The following ATRNL1 variants were observed in gnomAD, a reference collection of about 807,000 sequenced individuals.
ATRNL1 encodes attractin-like protein 1.
ATRNL1 carries 95 observed loss-of-function variants against 182.7 expected under a neutral mutation model. The observed-to-expected ratio is 0.52, with a 90% CI of 0.44 to 0.62. The LOEUF (loss-of-function observed/expected upper bound fraction) is 0.62, where lower values mean the gene tolerates loss of function less well. ATRNL1 is among the 20% of genes least tolerant of loss of function. The pLI is 0.00. For synonymous variants in ATRNL1, 576 were observed against 568.3 expected, an observed-to-expected ratio of 1.01 and a Z score of -0.19; for missense variants, 1,471 against 1,679.5, an observed-to-expected ratio of 0.88 and a Z score of 2.17.
At chr10:115,268,481 C>T in intron 13 of ATRNL1, 37 bp downstream of exon 13, 1 of 1,341,252 alleles carries the variant, frequency 7.5e-7, no homozygotes, top group Non-Finnish European at 1.1e-6. Context: ...GTAGTTACAA[C>T]AGACTGCTGC....
rs74841954 is a variant in ATRNL1, at chr10:115,730,422, T to C, written c.3903+3067T>C. Among the ~76,000 whole-genome samples, 694 of 152,244 alleles carry C rather than the reference T, an allele frequency of 4.6e-3. 8 individuals carry two copies. The highest frequency in any genetic ancestry group is 0.015 in the African/African-American group (634 of 41,542). On this transcript the variant is annotated intron_variant, in intron 27 of 28. Coordinates refer to ENST00000355044, the MANE Select transcript of ATRNL1 (RefSeq NM_207303.4). ...GTTCTCTTCTCCACAGCTTTAACCA[T>C]TGTCTCAAGTCTGATGTCAATTTGA... is the stretch of plus-strand genomic sequence containing the variant.
At chr10:115,574,329 T>C (rs1366758508) in intron 26 of ATRNL1, among the ~76,000 whole-genome samples, 1 of 139,770 alleles carries the variant, frequency 7.2e-6, no homozygotes, top group Non-Finnish European at 1.6e-5. Context: ...TAGTTTTGTA[T>C]ATATAAAACT....
chr10:115,303,999 C>G (rs1427078143), intron 17 of ATRNL1, among the ~76,000 whole-genome samples: 2 of 152,162 alleles, frequency 1.3e-5, no homozygotes, highest in African/African-American at 4.8e-5. Context: ...GCCCTAAGTT[C>G]TCCACTATCA....
intron 4 of ATRNL1, 36 bp from the exon 5 acceptor site, chr10:115,129,291 C>T: frequency 6.5e-7 from 1 of 1,542,868 alleles, no homozygotes; most frequent in Non-Finnish European, 8.9e-7. Context: ...TTTTCAATTA[C>T]CTTGAATCTG....
intron 28 of ATRNL1, among the ~76,000 whole-genome samples, chr10:115,873,351 C>T (rs566844608): frequency 4.9e-4 from 75 of 152,322 alleles, no homozygotes; most frequent in African/African-American, 1.8e-3. Context: ...CTACTAAATT[C>T]ATCCAAAAGT....
chr10:115,399,081 T>C (rs1370707821), intron 20 of ATRNL1, among the ~76,000 whole-genome samples: 1 of 152,180 alleles, frequency 6.6e-6, no homozygotes, highest in African/African-American at 2.4e-5. Flanking sequence ...GATAAGCTTT[T>C]TGATATGCTG....
chr10:115,692,417 A>G (rs926330208), intron 26 of ATRNL1, among the ~76,000 whole-genome samples: 1 of 152,176 alleles, frequency 6.6e-6, no homozygotes, highest in Non-Finnish European at 1.5e-5. Context: ...ACAAAGTTTC[A>G]GTCAGGAGCC....
chr10:115,255,770 G>A (rs1444155345), intron 10 of ATRNL1, among the ~76,000 whole-genome samples: 1 of 152,126 alleles, frequency 6.6e-6, no homozygotes, highest in Non-Finnish European at 1.5e-5. Flanking sequence ...TACTGGCTGT[G>A]GGTTTTTCAT....
At chr10:115,226,832 G>T (rs1264929889) in intron 9 of ATRNL1, among the ~76,000 whole-genome samples, 1 of 152,070 alleles carries the variant, frequency 6.6e-6, no homozygotes, top group Admixed American at 6.6e-5. Context: ...ATGAGGAAAG[G>T]ACTCCCTATT....
chr10:115,854,120 T>C (rs1773954626), intron 28 of ATRNL1, among the ~76,000 whole-genome samples: 1 of 152,140 alleles, frequency 6.6e-6, no homozygotes, highest in South Asian at 2.1e-4. Context: ...ATCATGCAAA[T>C]AAACTCATAC....
intron 26 of ATRNL1, among the ~76,000 whole-genome samples, chr10:115,639,997 T>C (rs1717452311): frequency 6.6e-6 from 1 of 152,074 alleles, no homozygotes; most frequent in South Asian, 2.1e-4. Context: ...ACCTGCCCAG[T>C]GTGTGATGTG....
chr10:115,305,728 T>C (rs186220683), intron 17 of ATRNL1, among the ~76,000 whole-genome samples: 1 of 152,272 alleles, frequency 6.6e-6, no homozygotes, highest in Non-Finnish European at 1.5e-5. Context: ...TAAAAAATAG[T>C]CAAAACGGCA....
intron 15 of ATRNL1, among the ~76,000 whole-genome samples, chr10:115,287,099 A>G (rs1007811902): frequency 6.6e-5 from 10 of 151,994 alleles, no homozygotes; most frequent in Non-Finnish European, 1.0e-4. Context: ...TATAGAAACA[A>G]GTAATGCTTA....
chr10:115,842,323 T>C (rs1950828966), intron 27 of ATRNL1, among the ~76,000 whole-genome samples: 1 of 152,128 alleles, frequency 6.6e-6, no homozygotes. Context: ...AAAAATGTTC[T>C]TTAAAAATTA....
At chr10:115,258,741 A>G (rs531674232) in intron 10 of ATRNL1, among the ~76,000 whole-genome samples, 15 of 152,172 alleles carry the variant, frequency 9.9e-5, no homozygotes, top group African/African-American at 3.6e-4. Context: ...GTTTCTCCCC[A>G]TCTTTGTGGT....
chr10:115,920,185 T>C (rs1229231743), intron 28 of ATRNL1, among the ~76,000 whole-genome samples: 1 of 152,212 alleles, frequency 6.6e-6, no homozygotes, highest in Non-Finnish European at 1.5e-5. Flanking sequence ...TCCATGCCCA[T>C]GTTATGTTAG....
intron 10 of ATRNL1, among the ~76,000 whole-genome samples, chr10:115,248,347 A>G (rs1222647574): frequency 6.6e-6 from 1 of 150,664 alleles, no homozygotes. Context: ...AAAAGTCTTA[A>G]CTCTTGGGGG....
intron 19 of ATRNL1, among the ~76,000 whole-genome samples, chr10:115,376,657 T>G (rs937664157): frequency 1.3e-5 from 2 of 152,116 alleles, no homozygotes. Flanking sequence ...CCCAGTCCTG[T>G]TTTTGACTTT....
In ATRNL1 at chr10:115,529,361, TTGTG is replaced by T. The variant is rs1463361556; in HGVS notation, c.3716+10039_3716+10042del. 2.0e-5 allele frequency among the ~76,000 whole-genome samples: 3 copies of T among 152,044 alleles called. No homozygotes were observed. In the East Asian group the frequency reaches 5.8e-4, roughly 29 times the overall value. On this transcript the variant is annotated intron_variant, in intron 25 of 28. Coordinates refer to ENST00000355044, the MANE Select transcript of ATRNL1 (RefSeq NM_207303.4). ...TTAAAATTTTTTCTCTTGTTATATTTTGTGTATGTTTCTTTTATACCAAAAATAT... is the reference window on the plus strand; with the variant it reads ...TTAAAATTTTTTCTCTTGTTATATTTTATGTTTCTTTTATACCAAAAATAT...
Sources: gnomAD v4.1 joint callset for allele counts (sites outside exome capture counted in the v4.1 genomes callset) on GRCh38, gnomAD v4.1.1 for gene constraint, MANE v1.5 for transcripts, NCBI Gene and HGNC (gene_info 2026-07-23, HGNC 2026-07-21) for gene names.